The following NANOS3 variants were observed in gnomAD, a reference collection of about 807,000 sequenced individuals.
NANOS3 encodes the protein nanos homolog 3.
NANOS3 carries 11 observed loss-of-function variants against 13.8 expected under a neutral mutation model. The ratio of observed to expected loss-of-function variants is 0.80; its 90% CI spans 0.50 to 1.32. The LOEUF (loss-of-function observed/expected upper bound fraction) is 1.32. Among genes scored for constraint, NANOS3 ranks in the 40% most tolerant of loss-of-function variants. The probability of loss-of-function intolerance (pLI) is 0.00; values close to 1 mark genes in which losing one functional copy is unlikely to be tolerated. For missense variants in NANOS3, 221 were observed against 263.8 expected (o/e 0.84, Z 1.12); for synonymous variants, 119 against 115.4 (o/e 1.03, Z -0.20).
chr19:13,866,027 G>A (rs1158227121), intron 1 of NANOS3, among the ~76,000 whole-genome samples: 1 of 152,206 alleles, frequency 6.6e-6, no homozygotes, highest in African/African-American at 2.4e-5. Context: ...CTGGCCGCGG[G>A]CTGGGGGTGC....
At chr19:13,879,932 A>G (rs1042405085) in intron 1 of NANOS3, among the ~76,000 whole-genome samples, 2 of 152,000 alleles carry the variant, frequency 1.3e-5, no homozygotes, top group African/African-American at 4.8e-5. Flanking sequence ...GGGCTGAGAC[A>G]GGAGAATCGC....
chr19:13,868,542 G>A (rs1018183047), intron 1 of NANOS3, among the ~76,000 whole-genome samples: 2 of 151,840 alleles, frequency 1.3e-5, no homozygotes, highest in Non-Finnish European at 2.9e-5. Flanking sequence ...TTAGCTGGGC[G>A]TGGTGGTGTG....
In NANOS3 at chr19:13,869,646, G is replaced by A. The variant is rs571961469; in HGVS notation, n.21+4209G>A. Among the ~76,000 whole-genome samples the A allele has an allele frequency of 4.0e-5, 6 of 151,624 alleles. 1 individual carries two copies. The highest frequency in any genetic ancestry group is 1.3e-4 in the Admixed American group (2 of 15,220). ...GCCTGGGCCATCACCGTGACCCCAC[G>A]GAGACCCCCACAGGGCTCTTGGTGT... is the stretch of plus-strand genomic sequence containing the variant. On this transcript the variant is annotated intron_variant and non_coding_transcript_variant, in intron 1 of 2. Transcript: ENST00000591161.
At chr19:13,874,122 G>A (rs1968457981), upstream of NANOS3, among the ~76,000 whole-genome samples, 2 of 152,146 alleles carry the variant, frequency 1.3e-5, no homozygotes, top group Non-Finnish European at 2.9e-5. Flanking sequence ...TGAACCTCCT[G>A]CCTCTCCCCT....
chr19:13,876,749 G>A (rs1341290463), upstream of NANOS3, among the ~76,000 whole-genome samples: 1 of 152,204 alleles, frequency 6.6e-6, no homozygotes, highest in Non-Finnish European at 1.5e-5. Flanking sequence ...CCCAGGGGAA[G>A]GAAGAAAAAG....
At chr19:13,876,589 CG>C (rs1048637075), upstream of NANOS3, among the ~76,000 whole-genome samples, 1 of 151,970 alleles carries the variant, frequency 6.6e-6, no homozygotes, top group Admixed American at 6.6e-5. Flanking sequence ...AGCTGGGGGC[CG>C]GGGGGCATGA....
intron 1 of NANOS3, among the ~76,000 whole-genome samples, chr19:13,870,948 C>G (rs574661615): frequency 3.0e-4 from 46 of 151,936 alleles, no homozygotes; most frequent in African/African-American, 1.0e-3. Flanking sequence ...CCAGAAAGAC[C>G]CTCCCAGCTG....
At position 13,877,394 on chromosome 19, in the gene NANOS3, T is replaced by C; in HGVS notation, c.146T>C (p.Met49Thr). The change falls in exon 1 of 2, where the codon ATG becomes ACG. Residue 49 changes from methionine (M) to threonine (T), a missense_variant. Physicochemically the swap from Met to Thr is moderately conservative, Grantham distance 81 (BLOSUM62 -1). Around this residue, in one of 3 missense-constraint regions of NANOS3, gnomAD observed 112 missense variants for 116.3 expected, o/e 0.96. Coordinates refer to ENST00000339133, the MANE Select transcript of NANOS3 (RefSeq NM_001098622.3). ...GAGCCGGTGTCAGCCCTGGAGCCGA[T>C]GCCAGCGCCGGAGTCGGTGCCAGTG... ...MLEPVSALEP[M>T]PAPESVPVPG... 1.9e-6 allele frequency: 3 copies of C among 1,612,512 alleles called. No homozygotes were observed. In the South Asian group the frequency reaches 3.3e-5, roughly 18 times the overall value.
chr19:13,865,315 GC>G (rs1485035723), upstream of NANOS3: 1 of 145,442 alleles, frequency 6.9e-6, no homozygotes, highest in Non-Finnish European at 1.5e-5. Flanking sequence ...GGCCTAGGGA[GC>G]CCCCGCCCTG....
chr19:13,870,461 T>G (rs1489975859), intron 1 of NANOS3, among the ~76,000 whole-genome samples: 2 of 151,812 alleles, frequency 1.3e-5, no homozygotes, highest in African/African-American at 4.8e-5. Context: ...TGCTAGGACT[T>G]CTCACCTCCG....
intron 1 of NANOS3, among the ~76,000 whole-genome samples, chr19:13,869,608 G>A (rs1480252488): frequency 1.3e-5 from 2 of 151,816 alleles, no homozygotes; most frequent in African/African-American, 4.8e-5. Context: ...ACCCCTGCTT[G>A]CCAGTCTAGA....
At chr19:13,876,926 G>C (rs150758996), upstream of NANOS3, among the ~76,000 whole-genome samples, 1 of 152,108 alleles carries the variant, frequency 6.6e-6, no homozygotes, top group Non-Finnish European at 1.5e-5. Context: ...AGGTGTGTAC[G>C]GGGGGCTGTG....
At chr19:13,874,495 T>C (rs1244593321), upstream of NANOS3, among the ~76,000 whole-genome samples, 2 of 152,232 alleles carry the variant, frequency 1.3e-5, no homozygotes, top group Non-Finnish European at 2.9e-5. Context: ...CCTGCACTGC[T>C]ACATCTCCAT....
chr19:13,877,156 G>T lies in NANOS3; in HGVS notation c.-93G>T. 9.4e-7 allele frequency: 1 copy of T among 1,066,132 alleles called. No individual in the cohort carries two copies. The highest frequency in any genetic ancestry group is 1.4e-6 in the Non-Finnish European group (1 of 725,868). The allele number at this position is 1,066,132 out of a possible 1,614,324, so 66.0% of individuals were successfully genotyped here. ...CCCAGGCTCCAGAGAGGGGAAGGAAGGGGCAGCAGAGAGGGGTCAGAAGGA... is the reference window on the plus strand; with the variant it reads ...CCCAGGCTCCAGAGAGGGGAAGGAATGGGCAGCAGAGAGGGGTCAGAAGGA... On this transcript the variant is annotated 5_prime_UTR_variant, in exon 1 of 2. The change creates a new upstream start codon in the 5' untranslated region. Transcript: ENST00000339133.
At chr19:13,867,001 T>C (rs1251998456) in intron 1 of NANOS3, among the ~76,000 whole-genome samples, 1 of 152,208 alleles carries the variant, frequency 6.6e-6, no homozygotes, top group Non-Finnish European at 1.5e-5. Flanking sequence ...CTCTCTTGGC[T>C]GCCCAGGTTG....
chr19:13,879,475 CCT>C lies in NANOS3; in HGVS notation c.518-966_518-965del, dbSNP rs1381341004. Among the ~76,000 whole-genome samples, 15 of 152,286 alleles carry C rather than the reference CCT, an allele frequency of 9.8e-5. No individual in the cohort carries two copies. In the East Asian group the frequency reaches 2.5e-3, roughly 25 times the overall value. Reference sequence around the variant, plus strand: ...AAAGGGTCAGGTGTGATGGCTTACACCTGTAATCCCAATACTTTGGGAGGCCA... The same window carrying C: ...AAAGGGTCAGGTGTGATGGCTTACACGTAATCCCAATACTTTGGGAGGCCA... On this transcript the variant is annotated intron_variant, in intron 1 of 1. Coordinates refer to ENST00000339133, the MANE Select transcript of NANOS3 (RefSeq NM_001098622.3).
intron 1 of NANOS3, among the ~76,000 whole-genome samples, chr19:13,868,711 G>T (rs1456981158): frequency 6.6e-6 from 1 of 150,734 alleles, no homozygotes; most frequent in African/African-American, 2.4e-5. Flanking sequence ...TGAAATCCCT[G>T]TCTTCCCACA....
chr19:13,872,451 T>A (rs2145071724), upstream of NANOS3, among the ~76,000 whole-genome samples: 1 of 152,202 alleles, frequency 6.6e-6, no homozygotes, highest in Admixed American at 6.5e-5. Flanking sequence ...CCCAACTAGC[T>A]GGGACTACAG....
intron 1 of NANOS3, among the ~76,000 whole-genome samples, chr19:13,869,303 C>T (rs908443499): frequency 2.6e-5 from 4 of 152,124 alleles, no homozygotes; most frequent in African/African-American, 4.8e-5. Context: ...CATGAGCCAC[C>T]GTGCCCGGCC....
Sources: allele counts gnomAD v4.1 joint callset (sites outside exome capture counted in the v4.1 genomes callset), GRCh38; gene constraint gnomAD v4.1.1; regional missense constraint gnomAD v4.1.1; transcripts MANE v1.5; gene names NCBI Gene and HGNC (gene_info 2026-07-23, HGNC 2026-07-21).